PAG1: variants seen among roughly 807,000 people sequenced by gnomAD.
PAG1 encodes the protein phosphoprotein membrane anchor with glycosphingolipid microdomains 1.
PAG1 carries 23 observed loss-of-function variants against 31.7 expected under a neutral mutation model. The ratio of observed to expected loss-of-function variants is 0.73; its 90% CI spans 0.52 to 1.03. PAG1 has a LOEUF of 1.03. Ranked by LOEUF, PAG1 falls within the 50% of genes least tolerant of loss-of-function variation. The pLI, the probability that PAG1 is intolerant of heterozygous loss-of-function variation, is 0.00. For synonymous variants in PAG1, 214 were observed against 210.3 expected (o/e 1.02, Z -0.15); for missense variants, 473 against 540.7 (o/e 0.87, Z 1.24).
At chr8:81,019,470 C>A (rs2130724415) in intron 3 of PAG1, among the ~76,000 whole-genome samples, 1 of 152,316 alleles carries the variant, frequency 6.6e-6, no homozygotes, top group Non-Finnish European at 1.5e-5. Context: ...GGACATGGCG[C>A]CCTGCATCCC....
chr8:81,073,057 A>G (rs1809120120), intron 1 of PAG1, among the ~76,000 whole-genome samples: 1 of 152,224 alleles, frequency 6.6e-6, no homozygotes, highest in South Asian at 2.1e-4. Flanking sequence ...CTCCTTGAGA[A>G]TGACCAGCAC....
At chr8:81,050,115 C>T (rs1431192113) in intron 2 of PAG1, among the ~76,000 whole-genome samples, 1 of 152,106 alleles carries the variant, frequency 6.6e-6, no homozygotes, top group African/African-American at 2.4e-5. Context: ...GGGAAAACTG[C>T]CTTAAAATTA....
rs139327977 is a variant in PAG1 at position 81,065,893 on chromosome 8, A to C, written c.-175+4219T>G. On this transcript the variant is annotated intron_variant, in intron 2 of 8. Transcript: ENST00000220597. The stretch of plus-strand genomic sequence containing the variant: ...ATATATATATCAACAAAATGAGTAC[A>C]CTTTTAGGATTACACTTGACTTACA... Among the ~76,000 whole-genome samples, 19 of 152,048 alleles carry C rather than the reference A, an allele frequency of 1.2e-4. No homozygotes were observed. In the East Asian group the frequency reaches 3.7e-3, roughly 29 times the overall value.
rs1807184040 is a variant in PAG1 at position 80,976,567 on chromosome 8, C to T, written c.1276G>A (p.Gly426Ser). The change falls in exon 9 of 9, where the codon GGC becomes AGC. Residue 426 changes from glycine to serine, a missense_variant. By Grantham distance (56) the Gly-to-Ser change is moderately conservative. Transcript: ENST00000220597. Reference protein sequence around the residue: ...DYESISDLQQGRDITRL With the variant: ...DYESISDLQQSRDITRL The stretch of plus-strand genomic sequence containing the variant: ...TGCTAGAGCCTGGTAATATCTCTGC[C>T]TTGCTGCAAGTCACTTATGCTCTCG... 3 of 1,613,032 alleles carry T rather than the reference C, an allele frequency of 1.9e-6. No individual in the cohort carries two copies. Among genetic ancestry groups the T allele is most frequent in the Admixed American group, 1.7e-5 (1 of 59,914 alleles).
intron 2 of PAG1, among the ~76,000 whole-genome samples, chr8:81,045,780 A>T (rs1308786779): frequency 2.6e-5 from 4 of 152,214 alleles, no homozygotes; most frequent in Non-Finnish European, 5.9e-5. Context: ...AAAACAAGCC[A>T]ATTCTTTCAT....
intron 1 of PAG1, among the ~76,000 whole-genome samples, chr8:81,107,732 T>C (rs887388549): frequency 5.9e-5 from 9 of 152,254 alleles, no homozygotes; most frequent in African/African-American, 1.9e-4. Context: ...ATATAAATTA[T>C]GTACAGAGCT....
intron 1 of PAG1, among the ~76,000 whole-genome samples, chr8:81,081,164 AT>A (rs1474099598): frequency 2.6e-5 from 4 of 151,910 alleles, no homozygotes; most frequent in Non-Finnish European, 5.9e-5. Flanking sequence ...AACATATATG[AT>A]TGATAAAACA....
chr8:81,051,926 C>G (rs1385966328), intron 2 of PAG1, among the ~76,000 whole-genome samples: 1 of 151,848 alleles, frequency 6.6e-6, no homozygotes, highest in African/African-American at 2.4e-5. Flanking sequence ...GTCAGGAGAT[C>G]GAGACCGTCC....
intron 2 of PAG1, among the ~76,000 whole-genome samples, chr8:81,067,175 A>T (rs1448992056): frequency 6.6e-6 from 1 of 152,200 alleles, no homozygotes; most frequent in Non-Finnish European, 1.5e-5. Flanking sequence ...AAAGGAATTT[A>T]AAAATTATGT....
intron 1 of PAG1, among the ~76,000 whole-genome samples, chr8:81,103,077 T>C (rs912943173): frequency 1.5e-4 from 23 of 152,020 alleles, no homozygotes; most frequent in Non-Finnish European, 2.9e-4. Context: ...AGTTAAAATA[T>C]TGAATCCTTA....
In PAG1 at chr8:80,974,014, C is replaced by T. The variant is rs1008732060; in HGVS notation, c.*2530G>A. The T allele has an allele frequency of 6.6e-6, 1 of 152,204 alleles. No individual in the cohort carries two copies. The highest frequency in any genetic ancestry group is 1.5e-5 in the Non-Finnish European group (1 of 68,048). 9.4% of individuals were successfully genotyped at this position (152,204 alleles called of 1,614,324 possible). A position where few individuals can be genotyped will look rare whatever the true frequency, so the allele number is the denominator to read the frequency against. Reference sequence around the variant, plus strand: ...TTTATATCACAGCTTATTCTAACCACTGGTTCTCAAATTAAAAGGTATATT... The same window carrying T: ...TTTATATCACAGCTTATTCTAACCATTGGTTCTCAAATTAAAAGGTATATT... On this transcript the variant is annotated 3_prime_UTR_variant, in exon 9 of 9. Transcript: ENST00000220597.
chr8:81,036,726 T>C (rs1377140651), intron 2 of PAG1, among the ~76,000 whole-genome samples: 2 of 152,238 alleles, frequency 1.3e-5, no homozygotes, highest in Non-Finnish European at 2.9e-5. Context: ...CTCCCTCATG[T>C]TTCCTGGGGC....
At chr8:81,070,821 A>T (rs1354689697) in intron 1 of PAG1, among the ~76,000 whole-genome samples, 2 of 152,222 alleles carry the variant, frequency 1.3e-5, no homozygotes, top group Non-Finnish European at 2.9e-5. Context: ...TCCAAGAATA[A>T]GTGTGATTTG....
chr8:80,981,233 G>A (rs1252052692), intron 7 of PAG1, among the ~76,000 whole-genome samples: 3 of 151,832 alleles, frequency 2.0e-5, no homozygotes, highest in Admixed American at 6.6e-5. Flanking sequence ...ACCAGCGCTC[G>A]TTGTCAAAGC....
chr8:81,013,263 T>A (rs1185995574), intron 3 of PAG1, among the ~76,000 whole-genome samples: 1 of 152,214 alleles, frequency 6.6e-6, no homozygotes, highest in Non-Finnish European at 1.5e-5. Context: ...CCTGGACACA[T>A]CATCCAAAAC....
At chr8:81,068,066 T>C (rs936155527) in intron 2 of PAG1, among the ~76,000 whole-genome samples, 1 of 152,162 alleles carries the variant, frequency 6.6e-6, no homozygotes, top group African/African-American at 2.4e-5. Flanking sequence ...CCGGCTAATT[T>C]TTGTATTTTT....
At chr8:80,984,673 C>T in intron 7 of PAG1, 103 bp downstream of exon 7, 3 of 1,116,356 alleles carry the variant, frequency 2.7e-6, no homozygotes, top group Non-Finnish European at 3.9e-6. Context: ...ATTCAACAAA[C>T]TGGAAAGTGT....
intron 2 of PAG1, among the ~76,000 whole-genome samples, chr8:81,047,049 A>G (rs1409655352): frequency 1.3e-5 from 2 of 152,128 alleles, no homozygotes; most frequent in African/African-American, 2.4e-5. Context: ...GCTGCACAGT[A>G]TTCTATGGTG....
intron 2 of PAG1, among the ~76,000 whole-genome samples, chr8:81,061,458 C>T (rs73279952): frequency 0.016 from 2,377 of 152,264 alleles, 59 homozygotes; most frequent in African/African-American, 0.052. Context: ...TAATCAGATG[C>T]TGCAACCAGG....
Sources: allele counts gnomAD v4.1 joint callset (sites outside exome capture counted in the v4.1 genomes callset), GRCh38; gene constraint gnomAD v4.1.1; transcripts MANE v1.5; gene names NCBI Gene and HGNC (gene_info 2026-07-23, HGNC 2026-07-21).